Variants in KMT2C observed in about 807,000 individuals in gnomAD.
The protein encoded by KMT2C is histone-lysine N-methyltransferase 2C.
A neutral mutation model predicts 507.9 loss-of-function variants in KMT2C; 88 were observed. The ratio of observed to expected loss-of-function variants is 0.17; its 90% CI spans 0.15 to 0.21. The LOEUF is 0.21. Among genes scored for constraint, KMT2C ranks in the 10% least tolerant of loss-of-function variants. The pLI, the probability that KMT2C is intolerant of heterozygous loss-of-function variation, is 1.00. For synonymous variants in KMT2C, 2,049 were observed against 2,080.8 expected (o/e 0.98, Z 0.42); for missense variants, 4,954 against 5,957.8 (o/e 0.83, Z 5.55).
intron 2 of KMT2C, among the ~76,000 whole-genome samples, chr7:152,340,787 A>AT (rs964643984): frequency 3.3e-5 from 5 of 152,272 alleles, no homozygotes; most frequent in Middle Eastern, 3.4e-3. Flanking sequence ...ATTTAATGTG[A>AT]TTTTTTAATG....
In KMT2C at chr7:152,177,853, G is replaced by T. The variant is rs2129115519; in HGVS notation, c.7600C>A (p.Pro2534Thr). ...GAAAAATGCTGAGGAAGTCCAACTG[G>T]ATTATTCATTTGTGAGTTATTTAAA... is the stretch of plus-strand genomic sequence containing the variant. ...RPLNNSQMNNPVGLPQHFSPQ... is the reference protein window; with the variant it reads ...RPLNNSQMNNTVGLPQHFSPQ... The change falls in exon 38 of 59, where the codon CCA becomes ACA. Residue 2534 changes from proline to threonine, a missense_variant. By Grantham distance (38) the Pro-to-Thr change is conservative. Transcript: ENST00000262189. 6.2e-7 allele frequency: 1 copy of T among 1,613,528 alleles called. No homozygotes were observed. Among genetic ancestry groups the T allele is most frequent in the Non-Finnish European group, 8.5e-7 (1 of 1,179,864 alleles).
chr7:152,423,587 A>G (rs2097791988), intron 1 of KMT2C, among the ~76,000 whole-genome samples: 1 of 152,224 alleles, frequency 6.6e-6, no homozygotes, highest in Non-Finnish European at 1.5e-5. Context: ...CTGAGAAGTT[A>G]GATAAAGGGA....
Position 152,199,305 on chromosome 7 carries a change from G to A in KMT2C, c.4247C>T (p.Ser1416Leu), listed in dbSNP as rs369143780. 19 of 1,596,350 alleles carry A rather than the reference G, an allele frequency of 1.2e-5. No homozygotes were observed. The highest frequency in any genetic ancestry group is 3.6e-5 in the Admixed American group (2 of 56,190). ...PSLDPLLSSSSAPTKSGTHGP... is the reference protein window; with the variant it reads ...PSLDPLLSSSLAPTKSGTHGP... ...GTGAGTTCCAGATTTTGTTGGAGCC[G>A]AGGATGAACTAAGTAGTGGATCTAA... The change falls in exon 27 of 59, where the codon TCG becomes TTG. Residue 1416 changes from serine to leucine, a missense_variant. Ser to Leu is a moderately radical substitution (Grantham distance 145). This residue lies in a region of KMT2C where 140 missense variants were observed against 118.4 expected (regional missense o/e 1.18). Transcript: ENST00000262189.
chr7:152,333,704 A>C (rs2096905529), intron 2 of KMT2C, among the ~76,000 whole-genome samples: 1 of 152,232 alleles, frequency 6.6e-6, no homozygotes, highest in Non-Finnish European at 1.5e-5. Context: ...TTTGAAAAAC[A>C]ATTTGTATAA....
Position 152,301,968 on chromosome 7 carries a change from T to C in KMT2C, c.849+7998A>G, listed in dbSNP as rs924801420. On this transcript the variant is annotated intron_variant, in intron 6 of 58. Coordinates refer to ENST00000262189, the MANE Select transcript of KMT2C (RefSeq NM_170606.3). ...ACAAATTACATTTAGAAGTTTAAAT[T>C]TGCCTATCTACATTCTTAATGTGAA... Among the ~76,000 whole-genome samples, 10 of 152,296 alleles carry C rather than the reference T, an allele frequency of 6.6e-5. No individual in the cohort carries two copies. In the South Asian group the frequency reaches 8.3e-4, roughly 13 times the overall value.
At chr7:152,143,541 T>C (rs1468934543) in intron 55 of KMT2C, among the ~76,000 whole-genome samples, 1 of 152,258 alleles carries the variant, frequency 6.6e-6, no homozygotes, top group Non-Finnish European at 1.5e-5. Flanking sequence ...CTGCTGCTTC[T>C]AGTCTCAGGT....
chr7:152,393,640 G>A (rs535835409), intron 1 of KMT2C, among the ~76,000 whole-genome samples: 11 of 151,884 alleles, frequency 7.2e-5, no homozygotes, highest in African/African-American at 9.7e-5. Context: ...TTGGCCGAGC[G>A]CGGTGGCTCA....
rs587778506 is a variant in KMT2C, at chr7:152,162,428, C to G, written c.11149G>C (p.Glu3717Gln). Reference protein sequence around the residue: ...LSMETPAKTEEIKLEKAETES... With the variant: ...LSMETPAKTEQIKLEKAETES... ...GTCTCAGCCTTTTCCAGTTTTATCT[C>G]TTCTGTTTTGGCAGGGGTTTCCATG... is the stretch of plus-strand genomic sequence containing the variant. The change falls in exon 43 of 59, where the codon GAG becomes CAG. Residue 3717 changes from glutamate to glutamine, a missense_variant. This residue lies in a region of KMT2C where 801 missense variants were observed against 751.2 expected (regional missense o/e 1.07). Transcript: ENST00000262189. 72 of 1,614,118 alleles carry G rather than the reference C, an allele frequency of 4.5e-5. No homozygotes were observed. Among genetic ancestry groups the G allele is most frequent in the Non-Finnish European group, 5.8e-5 (69 of 1,180,046 alleles).
intron 16 of KMT2C, among the ~76,000 whole-genome samples, chr7:152,235,209 A>ATG: frequency 2.7e-5 from 4 of 149,116 alleles, no homozygotes; most frequent in African/African-American, 9.9e-5. Flanking sequence ...TCAAGGGTGT[A>ATG]TATATATATA....
chr7:152,426,148 T>C lies in KMT2C; in HGVS notation c.161+9478A>G, dbSNP rs1238517566. On this transcript the variant is annotated intron_variant, in intron 1 of 58. Coordinates refer to ENST00000262189, the MANE Select transcript of KMT2C (RefSeq NM_170606.3). The stretch of plus-strand genomic sequence containing the variant: ...TTTTTAAAAATCTTTCTTCTATATA[T>C]TGGGGACATCTGCGTACAAAGAAAA... Among the ~76,000 whole-genome samples the C allele has an allele frequency of 3.3e-5, 5 of 152,050 alleles. No individual in the cohort carries two copies. In the East Asian group the frequency reaches 5.8e-4, roughly 18 times the overall value.
At position 152,426,232 on chromosome 7, in the gene KMT2C, T is replaced by G. The variant is rs1423725727; in HGVS notation, c.161+9394A>C. 3.4e-5 allele frequency among the ~76,000 whole-genome samples: 4 copies of G among 115,942 alleles called. No homozygotes were observed. The East Asian group carries it at 1.0e-3, about 29-fold the overall frequency. The allele number at this position is 115,942 out of a possible 152,430, so 76.1% of individuals were successfully genotyped here. ...CAACTGCATTATTTTATGTCATAGTTTTTTTTTTTTTTTTTTTTTTTGGGA... is the reference window on the plus strand; with the variant it reads ...CAACTGCATTATTTTATGTCATAGTGTTTTTTTTTTTTTTTTTTTTTGGGA... On this transcript the variant is annotated intron_variant, in intron 1 of 58. Coordinates refer to ENST00000262189, the MANE Select transcript of KMT2C (RefSeq NM_170606.3).
intron 40 of KMT2C, among the ~76,000 whole-genome samples, chr7:152,170,595 C>T (rs2092920255): frequency 2.0e-5 from 3 of 152,220 alleles, no homozygotes; most frequent in Admixed American, 6.5e-5. Context: ...CTCTGCCTCC[C>T]GGGTTCAAGC....
chr7:152,357,621 A>C (rs1021395912), intron 2 of KMT2C, among the ~76,000 whole-genome samples: 1 of 152,200 alleles, frequency 6.6e-6, no homozygotes, highest in Non-Finnish European at 1.5e-5. Context: ...CAGAAAAAAA[A>C]ACCATATGAA....
At chr7:152,193,923 G>C (rs1220818868) in intron 31 of KMT2C, 86 bp downstream of exon 31, 49 of 1,253,652 alleles carry the variant, frequency 3.9e-5, no homozygotes, top group Non-Finnish European at 5.3e-6. Flanking sequence ...TAAAGAATAG[G>C]GCAAAACTTG....
In KMT2C at chr7:152,162,718, T is replaced by C; in HGVS notation, c.10859A>G (p.Lys3620Arg). The change falls in exon 43 of 59, where the codon AAG (lysine) becomes AGG (arginine). Residue 3620 changes from lysine to arginine, a missense_variant. Lys to Arg is a conservative substitution (Grantham distance 26). This residue lies in a region of KMT2C where 801 missense variants were observed against 751.2 expected (regional missense o/e 1.07). Coordinates refer to ENST00000262189, the MANE Select transcript of KMT2C (RefSeq NM_170606.3). ...ATCTGAATGGGGAGTTGATGGAGCC[T>C]TGGTGGATTCTGCATCATCATCTCT... is the stretch of plus-strand genomic sequence containing the variant. ...KKRDDDAESTKAPSTPHSDIT... is the reference protein window; with the variant it reads ...KKRDDDAESTRAPSTPHSDIT... The C allele has an allele frequency of 6.2e-7, 1 of 1,614,232 alleles. No individual in the cohort carries two copies. The highest frequency in any genetic ancestry group is 8.5e-7 in the Non-Finnish European group (1 of 1,180,032).
At chr7:152,321,419 C>A (rs1023183313) in intron 3 of KMT2C, among the ~76,000 whole-genome samples, 4 of 151,408 alleles carry the variant, frequency 2.6e-5, no homozygotes, top group Admixed American at 6.6e-5. Flanking sequence ...AAGTCCTAGG[C>A]AGAGCAATAT....
chr7:152,246,201 TTCA>T (rs1297541791), intron 14 of KMT2C, among the ~76,000 whole-genome samples: 5 of 152,130 alleles, frequency 3.3e-5, no homozygotes, highest in African/African-American at 1.2e-4. Flanking sequence ...TATTAGCAGG[TTCA>T]TCATCAAGTG....
rs539063514 is a variant in KMT2C, at chr7:152,290,188, T to C, written c.850-16321A>G. ...TATATGGGTAAAAGATCCCCTGAAA[T>C]TGCAAGGTAGTCTAATAAATTTTAT... On this transcript the variant is annotated intron_variant, in intron 6 of 58. Transcript: ENST00000262189. 6.8e-3 allele frequency among the ~76,000 whole-genome samples: 969 copies of C among 142,262 alleles called. 4 individuals are homozygous for C. The highest frequency in any genetic ancestry group is 0.024 in the African/African-American group (942 of 38,668). The allele number at this position is 142,262 out of a possible 152,430, so 93.3% of individuals were successfully genotyped here.
chr7:152,186,455 T>C (rs527553995), intron 33 of KMT2C, among the ~76,000 whole-genome samples: 7 of 152,214 alleles, frequency 4.6e-5, no homozygotes, highest in Admixed American at 2.6e-4. Context: ...TCTCCCTGCA[T>C]CAAACCACTG....
Sources: gnomAD v4.1 joint callset for allele counts (sites outside exome capture counted in the v4.1 genomes callset) on GRCh38, gnomAD v4.1.1 for gene constraint, gnomAD v4.1.1 regional missense constraint, MANE v1.5 for transcripts, NCBI Gene and HGNC (gene_info 2026-07-23, HGNC 2026-07-21) for gene names.